CRELD2: variants seen among roughly 807,000 people sequenced by gnomAD.
CRELD2 encodes the protein protein disulfide isomerase CRELD2.
A neutral mutation model predicts 48.1 loss-of-function variants in CRELD2; 33 were observed. The ratio of observed to expected loss-of-function variants is 0.69; its 90% CI spans 0.52 to 0.92. The LOEUF (loss-of-function observed/expected upper bound fraction) is 0.92. CRELD2 is among the 40% of genes least tolerant of loss of function. The pLI, the probability that CRELD2 is intolerant of heterozygous loss-of-function variation, is 0.00. For missense variants in CRELD2, 477 were observed against 482.4 expected, an observed-to-expected ratio of 0.99 and a Z score of 0.10; for synonymous variants, 220 against 203.9, an observed-to-expected ratio of 1.08 and a Z score of -0.67.
intron 8 of CRELD2, 148 bp from the exon 9 acceptor site, chr22:49,925,269 C>T: frequency 1.6e-6 from 1 of 616,502 alleles, no homozygotes. Context: ...CCTCTCGAAG[C>T]CTTTCCTGAT....
intron 8 of CRELD2, 198 bp from the exon 9 acceptor site, chr22:49,925,219 C>G (rs2060747775): frequency 2.1e-6 from 1 of 478,184 alleles, no homozygotes; most frequent in Non-Finnish European, 3.7e-6. Flanking sequence ...TCTGCATTTT[C>G]TACCAGTTGA....
At chr22:49,923,349 G>T in intron 7 of CRELD2, 32 bp downstream of exon 7, 1 of 1,561,862 alleles carries the variant, frequency 6.4e-7, no homozygotes. Flanking sequence ...GCACTCCGGG[G>T]CCTGCCGGGT....
At chr22:49,920,328 GA>G (rs1434113827) in intron 4 of CRELD2, 81 bp downstream of exon 4, 1 of 1,012,310 alleles carries the variant, frequency 9.9e-7, no homozygotes, top group Non-Finnish European at 1.5e-6. Flanking sequence ...TAAAAGCACA[GA>G]GGGGACCTGG....
intron 4 of CRELD2, 143 bp downstream of exon 4, chr22:49,920,390 C>G (rs574857146): frequency 2.5e-5 from 15 of 611,784 alleles, no homozygotes; most frequent in Non-Finnish European, 3.8e-5. Context: ...GGCTGCCTCC[C>G]CCATCCCCAA....
intron 7 of CRELD2, 50 bp downstream of exon 7, chr22:49,923,367 C>A: frequency 2.2e-6 from 3 of 1,344,992 alleles, no homozygotes; most frequent in Non-Finnish European, 2.1e-6. Context: ...GGTTTCGTTG[C>A]TGCCTTTGTC....
At chr22:49,919,078 C>A in intron 1 of CRELD2, 152 bp from the exon 2 acceptor site, 1 of 874,562 alleles carries the variant, frequency 1.1e-6, no homozygotes, top group Non-Finnish European at 1.8e-6. Flanking sequence ...GTCCTGGAGT[C>A]CCCCTCACCC....
chr22:49,924,179 C>T, intron 7 of CRELD2, 181 bp from the exon 8 acceptor site: 2 of 530,012 alleles, frequency 3.8e-6, no homozygotes, highest in Non-Finnish European at 6.8e-6. Flanking sequence ...GCACCTGCTG[C>T]ACAGCAGGAC....
chr22:49,923,661 G>C, intron 7 of CRELD2: 4 of 431,160 alleles, frequency 9.3e-6, no homozygotes, highest in South Asian at 8.9e-5. Flanking sequence ...ACGTCTCTGC[G>C]TCCTGTGGTT....
chr22:49,927,264 A>G lies in CRELD2; in HGVS notation c.1019A>G (p.Glu340Gly), dbSNP rs200272727. 3 of 1,612,376 alleles carry G rather than the reference A, an allele frequency of 1.9e-6. No homozygotes were observed. The highest frequency in any genetic ancestry group is 2.2e-5 in the South Asian group (2 of 91,078). The change falls in exon 10 of 10, where the codon GAA (glutamate) becomes GGA (glycine). Residue 340 changes from glutamate to glycine, a missense_variant. Coordinates refer to ENST00000328268, the MANE Select transcript of CRELD2 (RefSeq NM_024324.5). ...GCTTGTTTTCTGACAGAAGCCACAG[A>G]AGGAGAAAGCCCGACACAGCTGCCC... Reference protein sequence around the residue: ...CVPPAEAEATEGESPTQLPSR... With the variant: ...CVPPAEAEATGGESPTQLPSR...
chr22:49,925,109 C>T (rs12170412), intron 8 of CRELD2: 6,277 of 198,362 alleles, frequency 0.032, 378 homozygotes, highest in African/African-American at 0.14. Flanking sequence ...CCAGCCTGGG[C>T]GACAGAGCGA....
At chr22:49,926,938 C>T (rs867401484) in intron 9 of CRELD2, among the ~76,000 whole-genome samples, 2 of 103,328 alleles carry the variant, frequency 1.9e-5, no homozygotes, top group African/African-American at 3.9e-5. Context: ...CCCCCACCCT[C>T]GGTCCCCTCT....
At chr22:49,925,247 G>A (rs1569188119) in intron 8 of CRELD2, 170 bp from the exon 9 acceptor site, 2 of 537,588 alleles carry the variant, frequency 3.7e-6, no homozygotes, top group East Asian at 3.2e-5. Flanking sequence ...ACTTGGAGAC[G>A]TGAAATTCTT....
intron 7 of CRELD2, chr22:49,923,740 T>A (rs979142199): frequency 8.6e-5 from 27 of 315,262 alleles, no homozygotes; most frequent in African/African-American, 6.5e-4. Flanking sequence ...TGCTGGACGT[T>A]TACGTCATAA....
rs151259822 is a variant in CRELD2 at position 49,925,487 on chromosome 22, G to C, written c.939G>C (p.Gly313=). ...ACGAAAACTGCTACAATACTCCAGG[G>C]AGCTACGTCTGTGTGTGTCCTGACG... ...RKNENCYNTP[G]SYVCVCPDGF... is the part of the protein sequence containing the mutation. The change falls in exon 9 of 10, where the codon GGG becomes GGC. Residue 313 remains glycine, a synonymous_variant. Transcript: ENST00000328268. 2.6e-4 allele frequency: 417 copies of C among 1,614,030 alleles called. 1 individual carries two copies. Among genetic ancestry groups the C allele is most frequent in the Middle Eastern group, 1.7e-4 (1 of 6,060 alleles).
At chr22:49,924,310 G>A (rs867002696) in intron 7 of CRELD2, 50 bp from the exon 8 acceptor site, 9 of 1,397,990 alleles carry the variant, frequency 6.4e-6, no homozygotes, top group Middle Eastern at 2.2e-4. Flanking sequence ...GGTCTGACGG[G>A]CACTGGTGCC....
At chr22:49,925,778 A>G in intron 9 of CRELD2, 1 of 1,381,458 alleles carries the variant, frequency 7.2e-7, no homozygotes, top group Non-Finnish European at 9.4e-7. Flanking sequence ...CTCAAACGGA[A>G]GTTCAGGCGA....
intron 5 of CRELD2, chr22:49,922,403 A>G: frequency 1.2e-6 from 2 of 1,609,446 alleles, no homozygotes. Context: ...ACACCCAGCC[A>G]GGCTACAGCT....
intron 2 of CRELD2, 91 bp from the exon 3 acceptor site, chr22:49,919,639 G>A (rs191124382): frequency 3.2e-5 from 30 of 943,896 alleles, no homozygotes; most frequent in African/African-American, 1.2e-4. Flanking sequence ...CTGGCTCCCC[G>A]GCCCCTGCAC....
chr22:49,922,255 A>C (rs770970526), intron 5 of CRELD2: 4 of 1,563,420 alleles, frequency 2.6e-6, no homozygotes, highest in Non-Finnish European at 8.7e-7. Context: ...CCGTGGATCG[A>C]TAGTCAGGAC....
Sources: allele counts gnomAD v4.1 joint callset (sites outside exome capture counted in the v4.1 genomes callset), GRCh38; gene constraint gnomAD v4.1.1; transcripts MANE v1.5; gene names NCBI Gene and HGNC (gene_info 2026-07-23, HGNC 2026-07-21).